The following TTLL11 variants were observed in gnomAD, a reference collection of about 807,000 sequenced individuals.
TTLL11 encodes tubulin polyglutamylase TTLL11.
In TTLL11, 42 loss-of-function variants were observed where a neutral mutation model predicts 51.7. That is an observed-to-expected ratio of 0.81 (90% CI 0.64 to 1.05). TTLL11 has a LOEUF of 1.05. Ranked by LOEUF, TTLL11 falls within the 50% of genes least tolerant of loss-of-function variation. TTLL11 has a pLI of 0.00. For missense variants in TTLL11, 799 were observed against 940.4 expected, an observed-to-expected ratio of 0.85 and a Z score of 1.97; for synonymous variants, 381 against 383.5, an observed-to-expected ratio of 0.99 and a Z score of 0.08.
chr9:121,864,328 G>A (rs1163651906), intron 7 of TTLL11, among the ~76,000 whole-genome samples: 3 of 152,180 alleles, frequency 2.0e-5, no homozygotes, highest in Non-Finnish European at 4.4e-5. Context: ...TTTCCCTTAT[G>A]CCTGGGGATG....
chr9:122,014,416 C>T (rs1240549111), intron 3 of TTLL11, among the ~76,000 whole-genome samples: 1 of 152,128 alleles, frequency 6.6e-6, no homozygotes, highest in Non-Finnish European at 1.5e-5. Context: ...TCTCCTAACT[C>T]CAGTTCAGTG....
At chr9:121,895,483 TAGTG>T (rs1564292691) in intron 6 of TTLL11, among the ~76,000 whole-genome samples, 1 of 151,520 alleles carries the variant, frequency 6.6e-6, no homozygotes, top group East Asian at 1.9e-4. Context: ...GTATGAGTGT[TAGTG>T]TGTGTGGTTG....
intron 6 of TTLL11, among the ~76,000 whole-genome samples, chr9:121,893,287 G>A (rs1839329215): frequency 6.6e-6 from 1 of 151,844 alleles, no homozygotes. Context: ...TTGTTAACAT[G>A]TTGGTGTTTT....
Position 121,846,977 on chromosome 9 carries a change from G to A in TTLL11, c.1840+13360C>T, listed in dbSNP as rs567039204. On this transcript the variant is annotated intron_variant, in intron 8 of 8. Coordinates refer to ENST00000321582, the MANE Select transcript of TTLL11 (RefSeq NM_001139442.2). ...TGTAATCCCAGCACTTTGGGAGGCC[G>A]AGGCGGGCGGATCACGAGGTCAAGA... Among the ~76,000 whole-genome samples the A allele has an allele frequency of 7.9e-5, 12 of 152,240 alleles. No individual in the cohort carries two copies. The East Asian group carries it at 2.1e-3, about 27-fold the overall frequency.
intron 1 of TTLL11, among the ~76,000 whole-genome samples, chr9:122,069,991 A>T (rs980753609): frequency 2.3e-4 from 34 of 147,328 alleles, no homozygotes; most frequent in Non-Finnish European, 4.5e-4. Context: ...ATAGAGAATC[A>T]CACACACACA....
chr9:121,925,885 G>C (rs1405011356), intron 6 of TTLL11, among the ~76,000 whole-genome samples: 1 of 152,188 alleles, frequency 6.6e-6, no homozygotes, highest in Non-Finnish European at 1.5e-5. Context: ...TGGCATCCAG[G>C]CCTCTAATCT....
rs545638237 is a variant in TTLL11, at chr9:121,818,390, C to G, written c.*4197G>C. 1 of 152,384 alleles carries G rather than the reference C, an allele frequency of 6.6e-6. No individual in the cohort carries two copies. Among genetic ancestry groups the G allele is most frequent in the African/African-American group, 2.4e-5 (1 of 41,582 alleles). The allele number at this position is 152,384 out of a possible 1,614,324, so 9.4% of individuals were successfully genotyped here. A position where few individuals can be genotyped will look rare whatever the true frequency, so the allele number is the denominator to read the frequency against. ...AATCTGTGCTTCTTAAAGGCACCCG[C>G]AGGCAAAGTGGAGAGCAAGTGTGGT... On this transcript the variant is annotated 3_prime_UTR_variant, in exon 9 of 9. Transcript: ENST00000321582.
chr9:121,974,836 T>C (rs1338466561), intron 5 of TTLL11, 48 bp downstream of exon 5: 3 of 1,361,590 alleles, frequency 2.2e-6, no homozygotes, highest in Non-Finnish European at 3.0e-6. Context: ...AGGGTAGGAA[T>C]ATTCAGCTGT....
chr9:121,840,213 G>A (rs1243905979), intron 8 of TTLL11, among the ~76,000 whole-genome samples: 1 of 152,126 alleles, frequency 6.6e-6, no homozygotes, highest in Non-Finnish European at 1.5e-5. Flanking sequence ...GGGCCAGTTA[G>A]GGCAACCGCA....
At position 121,899,681 on chromosome 9, in the gene TTLL11, A is replaced by T. The variant is rs1221889429; in HGVS notation, c.1482-28933T>A. Among the ~76,000 whole-genome samples, 3 of 151,978 alleles carry T rather than the reference A, an allele frequency of 2.0e-5. No homozygotes were observed. The South Asian group carries it at 6.2e-4, about 32-fold the overall frequency. On this transcript the variant is annotated intron_variant, in intron 6 of 8. Transcript: ENST00000321582. ...AGTCTCCCAAAGTGCTGAGATTACA[A>T]GCATGAGATACCTTGCCAGGCCCAC...
At chr9:122,039,430 C>A (rs1441243361) in intron 1 of TTLL11, 62 bp from the exon 2 acceptor site, 3 of 1,326,518 alleles carry the variant, frequency 2.3e-6, no homozygotes, top group Non-Finnish European at 2.2e-6. Flanking sequence ...CACTGAGTAT[C>A]CATTATGTAC....
intron 6 of TTLL11, among the ~76,000 whole-genome samples, chr9:121,971,059 G>A (rs1842537646): frequency 6.8e-6 from 1 of 147,420 alleles, no homozygotes; most frequent in East Asian, 2.0e-4. Context: ...CCCCGTCCGG[G>A]AGGGAGGTGG....
chr9:121,941,463 C>T (rs1286582355), intron 6 of TTLL11, among the ~76,000 whole-genome samples: 2 of 152,200 alleles, frequency 1.3e-5, no homozygotes, highest in African/African-American at 4.8e-5. Context: ...TTAAAGTCAA[C>T]CTGTCTAAAA....
rs758952875 is a variant in TTLL11 at position 122,061,975 on chromosome 9, C to T, written c.463-22607G>A. Reference sequence around the variant, plus strand: ...AAGTGTCTATTAGACATTTGGGTTTCCTCTTTGAATTTCTTTTGAAAATTC... The same window carrying T: ...AAGTGTCTATTAGACATTTGGGTTTTCTCTTTGAATTTCTTTTGAAAATTC... On this transcript the variant is annotated intron_variant, in intron 1 of 8. Coordinates refer to ENST00000321582, the MANE Select transcript of TTLL11 (RefSeq NM_001139442.2). 2.2e-4 allele frequency among the ~76,000 whole-genome samples: 34 copies of T among 152,292 alleles called. No individual in the cohort carries two copies. In the Middle Eastern group the frequency reaches 0.017, roughly 76 times the overall value.
intron 6 of TTLL11, among the ~76,000 whole-genome samples, chr9:121,874,908 C>A (rs1838512035): frequency 6.6e-6 from 1 of 152,062 alleles, no homozygotes; most frequent in Admixed American, 6.5e-5. Flanking sequence ...AGGCGTGTGC[C>A]ACTATGTCTG....
chr9:121,949,831 A>C (rs1041816654), intron 6 of TTLL11, among the ~76,000 whole-genome samples: 8 of 152,096 alleles, frequency 5.3e-5, no homozygotes, highest in African/African-American at 1.9e-4. Context: ...AGCCATACTG[A>C]ATAAATGTTC....
intron 3 of TTLL11, among the ~76,000 whole-genome samples, chr9:122,027,663 C>A (rs368982416): frequency 3.0e-4 from 46 of 152,224 alleles, no homozygotes; most frequent in African/African-American, 1.0e-3. Context: ...TATTTCAAAG[C>A]AGTTTAAAAA....
At chr9:121,825,379 T>A (rs1216942641) in intron 8 of TTLL11, among the ~76,000 whole-genome samples, 1 of 152,200 alleles carries the variant, frequency 6.6e-6, no homozygotes, top group Admixed American at 6.5e-5. Flanking sequence ...GCCAAGCCCA[T>A]GAACTGTGTG....
At chr9:122,008,831 C>T (rs1264032812) in intron 3 of TTLL11, among the ~76,000 whole-genome samples, 2 of 152,208 alleles carry the variant, frequency 1.3e-5, no homozygotes, top group African/African-American at 2.4e-5. Context: ...GAAAATGTGG[C>T]ATGTCTACAC....
Sources: allele counts gnomAD v4.1 joint callset (sites outside exome capture counted in the v4.1 genomes callset), GRCh38; gene constraint gnomAD v4.1.1; transcripts MANE v1.5; gene names NCBI Gene and HGNC (gene_info 2026-07-23, HGNC 2026-07-21).